The following CCNL1 variants were observed in gnomAD, a reference collection of about 807,000 sequenced individuals.
CCNL1 encodes the protein cyclin L1.
Under a neutral mutation model 60.6 loss-of-function variants are expected in CCNL1, and 13 were observed. That is an observed-to-expected ratio of 0.21 (90% CI 0.14 to 0.34). The LOEUF (loss-of-function observed/expected upper bound fraction) is 0.34, where lower values mean the gene tolerates loss of function less well. Among genes scored for constraint, CCNL1 ranks in the 10% least tolerant of loss-of-function variants. The probability of loss-of-function intolerance (pLI) is 1.00; values close to 1 mark genes in which losing one functional copy is unlikely to be tolerated. For missense variants in CCNL1, 481 were observed against 664.3 expected (o/e 0.72, Z 3.03); for synonymous variants, 270 against 244.3 (o/e 1.10, Z -0.98).
downstream of CCNL1, among the ~76,000 whole-genome samples, chr3:157,146,859 G>T (rs1482035709): frequency 6.6e-6 from 1 of 152,092 alleles, no homozygotes; most frequent in Non-Finnish European, 1.5e-5. Context: ...ACTTTTGCTG[G>T]GTCTTGTTAG....
chr3:157,147,758 C>G lies in CCNL1; in HGVS notation c.*483G>C. The stretch of plus-strand genomic sequence containing the variant: ...CAGCCATTTTGCTATTAAAATTTTC[C>G]TTTTTAATAATTTATTTAAATAAGG... On this transcript the variant is annotated 3_prime_UTR_variant, in exon 11 of 11. Coordinates refer to ENST00000295926, the MANE Select transcript of CCNL1 (RefSeq NM_020307.4). 1 of 981,480 alleles carries G rather than the reference C, an allele frequency of 1.0e-6. No individual in the cohort carries two copies. Among genetic ancestry groups the G allele is most frequent in the Non-Finnish European group, 1.2e-6 (1 of 826,362 alleles). The allele number at this position is 981,480 out of a possible 1,614,324, so 60.8% of individuals were successfully genotyped here. A position where few individuals can be genotyped will look rare whatever the true frequency, so the allele number is the denominator to read the frequency against.
At chr3:157,156,030 C>A (rs1345177440) in intron 3 of CCNL1, among the ~76,000 whole-genome samples, 1 of 152,156 alleles carries the variant, frequency 6.6e-6, no homozygotes, top group Non-Finnish European at 1.5e-5. Context: ...GTTAGAGGAG[C>A]TATTTTCCTT....
chr3:157,154,335 AACT>A (rs1022080552), intron 3 of CCNL1: 2 of 152,186 alleles, frequency 1.3e-5, no homozygotes, highest in African/African-American at 2.4e-5. Context: ...AACCAACAAA[AACT>A]ACTATTTTAT....
Position 157,154,424 on chromosome 3 carries a change from CAA to C in CCNL1, c.489-1270_489-1269del, listed in dbSNP as rs561717296. The C allele has an allele frequency of 1.1e-4, 16 of 152,252 alleles. No individual in the cohort carries two copies. The East Asian group carries it at 3.1e-3, about 29-fold the overall frequency. The allele number at this position is 152,252 out of a possible 1,614,324, so 9.4% of individuals were successfully genotyped here. A position where few individuals can be genotyped will look rare whatever the true frequency, so the allele number is the denominator to read the frequency against. On this transcript the variant is annotated intron_variant, in intron 3 of 10. Transcript: ENST00000295926. ...TGTCCATACTCAGTTCATTTTCAGC[CAA>C]AAGACTTAAGAGTCTTTGCTCTAGG...
At chr3:157,156,779 C>T (rs1738658413) in intron 3 of CCNL1, among the ~76,000 whole-genome samples, 1 of 152,194 alleles carries the variant, frequency 6.6e-6, no homozygotes, top group Non-Finnish European at 1.5e-5. Flanking sequence ...AAGTGATATG[C>T]TTTACCTAAC....
chr3:157,150,212 A>C (rs761000444), intron 6 of CCNL1, 43 bp from the exon 7 acceptor site: 2 of 1,608,598 alleles, frequency 1.2e-6, no homozygotes, highest in South Asian at 2.2e-5. Flanking sequence ...ATTTTTGCTA[A>C]ATCTGTATTG....
At chr3:157,159,129 T>G (rs1738856191) in intron 2 of CCNL1, 154 bp from the exon 3 acceptor site, 2 of 633,788 alleles carry the variant, frequency 3.2e-6, no homozygotes, top group Non-Finnish European at 5.5e-6. Flanking sequence ...TACTTTTTGT[T>G]GTTTAACTCA....
chr3:157,153,322 A>G, intron 3 of CCNL1, 166 bp from the exon 4 acceptor site: 1 of 579,936 alleles, frequency 1.7e-6, no homozygotes, highest in Admixed American at 3.3e-5. Context: ...AGTTATGCTA[A>G]TTAAATATAT....
In CCNL1 at chr3:157,158,877, T is replaced by TA; in HGVS notation, c.476dup (p.Leu159PhefsTer13). The TA allele has an allele frequency of 6.2e-7, 1 of 1,608,460 alleles. No homozygotes were observed. Among genetic ancestry groups the TA allele is most frequent in the Non-Finnish European group, 8.5e-7 (1 of 1,175,508 alleles). ...AATGCCAATCTTACCTTTTTCCTCT[T>TA]AACTGGCGGAGGTGGTGGAATACAT... is the stretch of plus-strand genomic sequence containing the variant. On this transcript the variant is annotated frameshift_variant, in exon 3 of 11. Transcript: ENST00000295926. LOFTEE classifies it high-confidence loss of function.
downstream of CCNL1, among the ~76,000 whole-genome samples, chr3:157,145,926 G>A (rs1260175130): frequency 6.6e-6 from 1 of 152,190 alleles, no homozygotes; most frequent in Non-Finnish European, 1.5e-5. Flanking sequence ...AACATATTTG[G>A]ACTTTGAACA....
intron 4 of CCNL1, chr3:157,152,787 A>G (rs2108122147): frequency 1.6e-6 from 2 of 1,220,212 alleles, no homozygotes; most frequent in East Asian, 4.6e-5. Flanking sequence ...GACTTTAACC[A>G]CAGAAACAAA....
downstream of CCNL1, chr3:157,146,608 CTAAAAA>C (rs2108104439): frequency 3.8e-6 from 1 of 264,792 alleles, no homozygotes; most frequent in Non-Finnish European, 7.3e-6. Context: ...GACCTCGTCT[CTAAAAA>C]AAAAAAAAAA....
At chr3:157,157,444 T>C (rs1390255898) in intron 3 of CCNL1, among the ~76,000 whole-genome samples, 1 of 152,246 alleles carries the variant, frequency 6.6e-6, no homozygotes, top group African/African-American at 2.4e-5. Flanking sequence ...ACATAATAGT[T>C]GGCTCAATGG....
intron 5 of CCNL1, chr3:157,151,061 C>A (rs1193323901): frequency 8.1e-6 from 8 of 984,582 alleles, no homozygotes; most frequent in Non-Finnish European, 9.6e-6. Context: ...AGAAATTTTA[C>A]AGATCATTTA....
chr3:157,155,313 A>G (rs1309462683), intron 3 of CCNL1, among the ~76,000 whole-genome samples: 1 of 152,184 alleles, frequency 6.6e-6, no homozygotes, highest in Non-Finnish European at 1.5e-5. Flanking sequence ...TCAAATGGTG[A>G]TATAATTCAT....
intron 3 of CCNL1, chr3:157,154,586 C>T (rs1377886597): frequency 2.0e-5 from 3 of 152,098 alleles, no homozygotes; most frequent in East Asian, 3.8e-4. Context: ...AAACAATCTG[C>T]GATGAACTTC....
Position 157,160,030 on chromosome 3 carries a change from G to C in CCNL1, c.65C>G (p.Ala22Gly). 1 of 1,567,316 alleles carries C rather than the reference G, an allele frequency of 6.4e-7. No individual in the cohort carries two copies. Among genetic ancestry groups the C allele is most frequent in the Non-Finnish European group, 8.6e-7 (1 of 1,156,270 alleles). ...AAAASSAAPS[A>G]GGSSSGTTTT... ...CGTCGTCCCGGAGCTGGAGCCGCCC[G>C]CGCTTGGGGCGGCCGATGAGGCGGC... Residue 22 changes from alanine (A) to glycine (G), a missense_variant, in exon 1 of 11, where the codon GCG (alanine) becomes GGG (glycine). Transcript: ENST00000295926.
chr3:157,157,201 C>T (rs1738688495), intron 3 of CCNL1: 4 of 912,116 alleles, frequency 4.4e-6, no homozygotes, highest in Admixed American at 4.9e-5. Context: ...TAAAAAAAGG[C>T]TTCCATGCAA....
In CCNL1 at chr3:157,148,069, A is replaced by G. The variant is rs1245848719; in HGVS notation, c.*172T>C. 7.2e-7 allele frequency: 1 copy of G among 1,384,952 alleles called. No homozygotes were observed. Among genetic ancestry groups the G allele is most frequent in the Non-Finnish European group, 9.3e-7 (1 of 1,073,904 alleles). The allele number at this position is 1,384,952 out of a possible 1,614,324, so 85.8% of individuals were successfully genotyped here. On this transcript the variant is annotated 3_prime_UTR_variant, in exon 11 of 11. Coordinates refer to ENST00000295926, the MANE Select transcript of CCNL1 (RefSeq NM_020307.4). ...CTGCTAGGGCATTTTAATGTGCAAA[A>G]AAATTAACATAGTTCTTTTCAAAAG...
Sources: allele counts gnomAD v4.1 joint callset (sites outside exome capture counted in the v4.1 genomes callset), GRCh38; gene constraint gnomAD v4.1.1; transcripts MANE v1.5; gene names NCBI Gene and HGNC (gene_info 2026-07-23, HGNC 2026-07-21).